The following DYNC1H1 variants were observed in gnomAD, a reference collection of about 807,000 sequenced individuals.
DYNC1H1 encodes dynein cytoplasmic 1 heavy chain 1.
Under a neutral mutation model 527.1 loss-of-function variants are expected in DYNC1H1, and 51 were observed. The ratio of observed to expected loss-of-function variants is 0.10; its 90% CI spans 0.08 to 0.12. The LOEUF (loss-of-function observed/expected upper bound fraction) is 0.12, where lower values mean the gene tolerates loss of function less well. DYNC1H1 is among the 10% of genes least tolerant of loss of function. The pLI, the probability that DYNC1H1 is intolerant of heterozygous loss-of-function variation, is 1.00. For synonymous variants in DYNC1H1, 2,189 were observed against 2,278.8 expected, an observed-to-expected ratio of 0.96 and a Z score of 1.12; for missense variants, 2,771 against 5,971.8, an observed-to-expected ratio of 0.46 and a Z score of 17.66.
chr14:102,039,396 C>T lies in DYNC1H1; in HGVS notation c.11461-16C>T, dbSNP rs2048616742. The stretch of plus-strand genomic sequence containing the variant: ...CCGAGGGAGCTGCCTCACCGCTGCC[C>T]ACTGCTTCCTTTCAGATACACTTCT... On this transcript the variant is annotated splice_polypyrimidine_tract_variant and intron_variant, in intron 60 of 77. Transcript: ENST00000360184. The surrounding 1 kb of genome is among the most constrained non-coding windows in gnomAD (Gnocchi z 7.0). 6.2e-7 allele frequency: 1 copy of T among 1,614,242 alleles called. No homozygotes were observed. The highest frequency in any genetic ancestry group is 8.5e-7 in the Non-Finnish European group (1 of 1,180,042).
In DYNC1H1 at chr14:102,041,314, AG is replaced by A. The variant is rs1429211890; in HGVS notation, c.11942-258del. On this transcript the variant is annotated intron_variant, in intron 64 of 77. Coordinates refer to ENST00000360184, the MANE Select transcript of DYNC1H1 (RefSeq NM_001376.5). This position sits in a 1 kb window ranked among gnomAD's most constrained non-coding sequence, Gnocchi z 4.5. ...CTTCAGGTGTTCTCAGGAAGTGAGCAGGTATTAGTTTAGTAATCTAAAAATC... is the reference window on the plus strand; with the variant it reads ...CTTCAGGTGTTCTCAGGAAGTGAGCAGTATTAGTTTAGTAATCTAAAAATC... The A allele has an allele frequency of 5.7e-6, 3 of 530,124 alleles. No homozygotes were observed. The highest frequency in any genetic ancestry group is 6.1e-5 in the Admixed American group (2 of 32,728). The allele number at this position is 530,124 out of a possible 1,614,324, so 32.8% of individuals were successfully genotyped here. A position where few individuals can be genotyped will look rare whatever the true frequency, so the allele number is the denominator to read the frequency against.
intron 2 of DYNC1H1, among the ~76,000 whole-genome samples, chr14:101,976,165 C>T (rs1320945416): frequency 6.6e-6 from 1 of 151,308 alleles, no homozygotes; most frequent in Non-Finnish European, 1.5e-5. Flanking sequence ...CCTCAGCCTC[C>T]CAAAGTGCTA....
rs749647281 is a variant in DYNC1H1 at position 102,042,685 on chromosome 14, G to A, written c.12450G>A (p.Pro4150=). ...GCCGCATCTTTGTGTTCGAGCCACCGCCAGGGGTGAAGGCCAACATGCTGA... is the reference window on the plus strand; with the variant it reads ...GCCGCATCTTTGTGTTCGAGCCACCACCAGGGGTGAAGGCCAACATGCTGA... ...RAGRIFVFEP[P]PGVKANMLRT... The change falls in exon 69 of 78, where the codon CCG becomes CCA. Residue 4150 remains proline (P), a synonymous_variant. Coordinates refer to ENST00000360184, the MANE Select transcript of DYNC1H1 (RefSeq NM_001376.5). This position sits in a 1 kb window ranked among gnomAD's most constrained non-coding sequence, Gnocchi z 5.7. 20 of 1,614,068 alleles carry A rather than the reference G, an allele frequency of 1.2e-5. No homozygotes were observed. The Admixed American group carries it at 1.8e-4, about 15-fold the overall frequency.
In DYNC1H1 at chr14:101,983,179, T is replaced by A. The variant is rs777210028; in HGVS notation, c.1122T>A (p.Ile374=). The change falls in exon 6 of 78, where the codon ATT becomes ATA. Residue 374 remains isoleucine, a synonymous_variant. Coordinates refer to ENST00000360184, the MANE Select transcript of DYNC1H1 (RefSeq NM_001376.5). This position sits in a 1 kb window ranked among gnomAD's most constrained non-coding sequence, Gnocchi z 5.3. ...AGATCCGAAACACAAAATATCCTAT[T>A]CAGAGGGCACTGCGTTTGGTGGAGG... ...LRKIRNTKYP[I]QRALRLVEAI... is the part of the protein sequence containing the mutation. The A allele has an allele frequency of 4.5e-5, 72 of 1,614,086 alleles. 2 individuals carry two copies. The South Asian group carries it at 7.4e-4, about 16-fold the overall frequency.
intron 72 of DYNC1H1, among the ~76,000 whole-genome samples, chr14:102,047,022 T>G (rs2152599418): frequency 6.6e-6 from 1 of 152,274 alleles, no homozygotes; most frequent in African/African-American, 2.4e-5. Context: ...CTTGAACCCC[T>G]GAGCTCTAGA....
Position 102,039,350 on chromosome 14 carries a change from A to G in DYNC1H1, c.11461-62A>G. Reference sequence around the variant, plus strand: ...GGCCCTGCACAGTAGCTCCTTGGCCACGCAGAAGTTCAGCGGGGTGCCGAG... The same window carrying G: ...GGCCCTGCACAGTAGCTCCTTGGCCGCGCAGAAGTTCAGCGGGGTGCCGAG... On this transcript the variant is annotated intron_variant, in intron 60 of 77. Coordinates refer to ENST00000360184, the MANE Select transcript of DYNC1H1 (RefSeq NM_001376.5). The surrounding 1 kb of genome is among the most constrained non-coding windows in gnomAD (Gnocchi z 7.0). 1 of 1,613,302 alleles carries G rather than the reference A, an allele frequency of 6.2e-7. No individual in the cohort carries two copies. Among genetic ancestry groups the G allele is most frequent in the South Asian group, 1.1e-5 (1 of 91,042 alleles).
At position 102,012,712 on chromosome 14, in the gene DYNC1H1, ACT is replaced by A. The variant is rs773460101; in HGVS notation, c.7014+245_7014+246del. 29 of 561,670 alleles carry A rather than the reference ACT, an allele frequency of 5.2e-5. No individual in the cohort carries two copies. Among genetic ancestry groups the A allele is most frequent in the Non-Finnish European group, 8.9e-5 (28 of 316,064 alleles). The allele number at this position is 561,670 out of a possible 1,614,324, so 34.8% of individuals were successfully genotyped here. On this transcript the variant is annotated intron_variant, in intron 34 of 77. Transcript: ENST00000360184. The surrounding 1 kb of genome is among the most constrained non-coding windows in gnomAD (Gnocchi z 4.9). ...CTATCATTTATTGAGTAATAAGCAC[ACT>A]CTATGATTATCAGTTAACCCTGTAT...
At chr14:102,025,565 GAAAAAAA>G (rs3067914) in intron 43 of DYNC1H1, among the ~76,000 whole-genome samples, 2 of 102,342 alleles carry the variant, frequency 2.0e-5, no homozygotes, top group Non-Finnish European at 3.9e-5. Context: ...CTGTCTCAAG[GAAAAAAA>G]AAAAAAAAAA....
Position 102,005,351 on chromosome 14 carries a change from G to T in DYNC1H1, c.5433+115G>T. 1 of 1,367,396 alleles carries T rather than the reference G, an allele frequency of 7.3e-7. No homozygotes were observed. The allele number at this position is 1,367,396 out of a possible 1,614,324, so 84.7% of individuals were successfully genotyped here. A position where few individuals can be genotyped will look rare whatever the true frequency, so the allele number is the denominator to read the frequency against. On this transcript the variant is annotated intron_variant, in intron 26 of 77. Coordinates refer to ENST00000360184, the MANE Select transcript of DYNC1H1 (RefSeq NM_001376.5). This position sits in a 1 kb window ranked among gnomAD's most constrained non-coding sequence, Gnocchi z 4.0. ...TCAGGTAGTATCAAGGAGAACAGTG[G>T]ATGGTGTATGGATATCCTCTGAGGG...
At chr14:102,026,797 C>G (rs1346560408) in intron 44 of DYNC1H1, 90 bp downstream of exon 44, 1 of 1,545,156 alleles carries the variant, frequency 6.5e-7, no homozygotes, top group African/African-American at 1.4e-5. Flanking sequence ...CTCATGCTGT[C>G]CTACCACCTC....
chr14:102,034,629 T>C (rs957617027), intron 56 of DYNC1H1, 177 bp downstream of exon 56: 15 of 1,050,660 alleles, frequency 1.4e-5, no homozygotes, highest in Non-Finnish European at 2.1e-5. Flanking sequence ...TATTGTCAAG[T>C]GTCTGAGTTA....
rs2152581549 is a variant in DYNC1H1 at position 102,015,236 on chromosome 14, G to A, written c.7146G>A (p.Leu2382=). The A allele has an allele frequency of 1.2e-6, 2 of 1,614,246 alleles. No homozygotes were observed. Among genetic ancestry groups the A allele is most frequent in the Non-Finnish European group, 1.7e-6 (2 of 1,180,038 alleles). ...DMIFNNFLAR[L]RSIPLDEGED... ...TCTTCAACAACTTCCTGGCCAGGCTGCGCAGCATCCCGCTGGATGAAGGGG... is the reference window on the plus strand; with the variant it reads ...TCTTCAACAACTTCCTGGCCAGGCTACGCAGCATCCCGCTGGATGAAGGGG... The change falls in exon 35 of 78, where the codon CTG becomes CTA. Residue 2382 remains leucine, a synonymous_variant. Transcript: ENST00000360184. The surrounding 1 kb of genome is among the most constrained non-coding windows in gnomAD (Gnocchi z 6.9).
chr14:102,023,455 A>G, intron 43 of DYNC1H1: 1 of 194,648 alleles, frequency 5.1e-6, no homozygotes, highest in South Asian at 9.5e-5. Context: ...AGGCTGAGGC[A>G]GGAGAATCTT....
chr14:102,016,075 C>T lies in DYNC1H1; in HGVS notation c.7462C>T (p.Arg2488Cys), dbSNP rs780160519. The part of the protein sequence containing the change: ...DFPMQIEQLE[R>C]YIQRYLVYAI... The stretch of plus-strand genomic sequence containing the variant: ...CCCCATGCAGATCGAGCAGCTGGAG[C>T]GCTACATTCAGGTCAGGGGGCATCA... Residue 2488 changes from arginine to cysteine, a missense_variant, in exon 36 of 78, where the codon CGC becomes TGC. By Grantham distance (180) the Arg-to-Cys change is radical. Transcript: ENST00000360184. This position sits in a 1 kb window ranked among gnomAD's most constrained non-coding sequence, Gnocchi z 7.3. The T allele has an allele frequency of 9.3e-6, 15 of 1,609,022 alleles. No homozygotes were observed. The highest frequency in any genetic ancestry group is 1.7e-5 in the Admixed American group (1 of 59,434).
chr14:102,019,668 C>G (rs1172596029), intron 41 of DYNC1H1, among the ~76,000 whole-genome samples: 1 of 152,200 alleles, frequency 6.6e-6, no homozygotes, highest in African/African-American at 2.4e-5. Flanking sequence ...GTGGCGCAGT[C>G]TCGGCTCACT....
In DYNC1H1 at chr14:102,049,537, G is replaced by A. The variant is rs780553042; in HGVS notation, c.13470G>A (p.Gln4490=). Residue 4490 remains glutamine (Q), a synonymous_variant, in exon 75 of 78, where the codon CAG becomes CAA. Coordinates refer to ENST00000360184, the MANE Select transcript of DYNC1H1 (RefSeq NM_001376.5). This position sits in a 1 kb window ranked among gnomAD's most constrained non-coding sequence, Gnocchi z 5.5. The stretch of plus-strand genomic sequence containing the variant: ...TCAGCGAGAGGATCAAACAGCTGCA[G>A]AACATCTCACTGGCAGCTGCATCTG... The part of the protein sequence containing the change: ...SDFSERIKQL[Q]NISLAAASGG... 8 of 1,614,158 alleles carry A rather than the reference G, an allele frequency of 5.0e-6. No individual in the cohort carries two copies. The Admixed American group carries it at 1.3e-4, about 27-fold the overall frequency.
At position 102,017,391 on chromosome 14, in the gene DYNC1H1, G is replaced by A; in HGVS notation, c.8064G>A (p.Glu2688=). The A allele has an allele frequency of 1.2e-6, 2 of 1,614,230 alleles. No homozygotes were observed. Among genetic ancestry groups the A allele is most frequent in the Non-Finnish European group, 1.7e-6 (2 of 1,180,040 alleles). ...RVISFIRQMV[E]HGGFYRTSDQ... is the part of the protein sequence containing the mutation. Reference sequence around the variant, plus strand: ...CCTGTCCCTTCCTTCAGATGGTGGAGCACGGAGGCTTTTACCGTACCTCAG... The same window carrying A: ...CCTGTCCCTTCCTTCAGATGGTGGAACACGGAGGCTTTTACCGTACCTCAG... The change falls in exon 40 of 78, where the codon GAG becomes GAA. Residue 2688 remains glutamate (E), a synonymous_variant. Coordinates refer to ENST00000360184, the MANE Select transcript of DYNC1H1 (RefSeq NM_001376.5). This position sits in a 1 kb window ranked among gnomAD's most constrained non-coding sequence, Gnocchi z 4.6.
chr14:102,039,290 C>A lies in DYNC1H1; in HGVS notation c.11460+36C>A, dbSNP rs201467075. On this transcript the variant is annotated intron_variant, in intron 60 of 77. Transcript: ENST00000360184. The surrounding 1 kb of genome is among the most constrained non-coding windows in gnomAD (Gnocchi z 7.0). ...TGGCCATGCAGAGACTGGCGGGCCC[C>A]GCACAGTAGCTCCTTGGCCGCACAG... The A allele has an allele frequency of 6.2e-7, 1 of 1,611,414 alleles. No homozygotes were observed. Among genetic ancestry groups the A allele is most frequent in the Non-Finnish European group, 8.5e-7 (1 of 1,179,858 alleles).
rs1265803876 is a variant in DYNC1H1, at chr14:101,995,229, G to A, written c.3493G>A (p.Asp1165Asn). The change falls in exon 15 of 78, where the codon GAT (aspartate) becomes AAT (asparagine). Residue 1165 changes from aspartate to asparagine, a missense_variant. By Grantham distance (23) the Asp-to-Asn change is conservative. This residue lies in a region of DYNC1H1 where 223 missense variants were observed against 462.5 expected (regional missense o/e 0.48). Coordinates refer to ENST00000360184, the MANE Select transcript of DYNC1H1 (RefSeq NM_001376.5). ...QHSVDTASTS[D>N]AVTFITYVQS... ...CTCAGTAGACACGGCCAGCACCTCC[G>A]ATGCAGTGACCTTCATCACCTATGT... The A allele has an allele frequency of 2.5e-6, 4 of 1,614,072 alleles. No individual in the cohort carries two copies. The highest frequency in any genetic ancestry group is 2.2e-5 in the South Asian group (2 of 91,090).
Sources: gnomAD v4.1 joint callset for allele counts (sites outside exome capture counted in the v4.1 genomes callset) on GRCh38, gnomAD v4.1.1 for gene constraint, gnomAD v4.1.1 regional missense constraint, Gnocchi (gnomAD v3.1) non-coding constraint, MANE v1.5 for transcripts, NCBI Gene and HGNC (gene_info 2026-07-23, HGNC 2026-07-21) for gene names.